The following COL4A4 variants were observed in gnomAD, a reference collection of about 807,000 sequenced individuals.
The protein encoded by COL4A4 is collagen type IV alpha 4 chain, also known as collagen alpha-4(IV) chain.
Under a neutral mutation model 192.9 loss-of-function variants are expected in COL4A4, and 105 were observed. That is an observed-to-expected ratio of 0.54 (90% CI 0.46 to 0.64). COL4A4 has a LOEUF of 0.64. Ranked by LOEUF, COL4A4 falls within the 30% of genes least tolerant of loss-of-function variation. The pLI, the probability that COL4A4 is intolerant of heterozygous loss-of-function variation, is 0.00. For missense variants in COL4A4, 1,967 were observed against 2,169.3 expected (o/e 0.91, Z 1.85); for synonymous variants, 762 against 769.9 (o/e 0.99, Z 0.17).
chr2:227,119,502 T>TATA (rs2125012348), intron 6 of COL4A4, among the ~76,000 whole-genome samples: 1 of 148,660 alleles, frequency 6.7e-6, no homozygotes, highest in Admixed American at 6.7e-5. Flanking sequence ...ATATATCGTA[T>TATA]ATACTATAGA....
intron 38 of COL4A4, among the ~76,000 whole-genome samples, chr2:227,032,586 T>C (rs1480530234): frequency 6.6e-6 from 1 of 152,258 alleles, no homozygotes; most frequent in Non-Finnish European, 1.5e-5. Flanking sequence ...TAAGTAATTA[T>C]GCATAAGTTG....
chr2:227,000,631 C>T (rs1489118104), downstream of COL4A4, among the ~76,000 whole-genome samples: 2 of 152,114 alleles, frequency 1.3e-5, no homozygotes, highest in Admixed American at 6.5e-5. Flanking sequence ...GACTGAGCAT[C>T]AAGTAAGGGC....
At position 227,081,743 on chromosome 2, in the gene COL4A4, A is replaced by G. The variant is rs576690300; in HGVS notation, c.1696+372T>C. On this transcript the variant is annotated intron_variant, in intron 23 of 47. Coordinates refer to ENST00000396625, the MANE Select transcript of COL4A4 (RefSeq NM_000092.5). The stretch of plus-strand genomic sequence containing the variant: ...TTTCACATTTTGTTTAGGTCAATAA[A>G]TTACTTAAAAAAACGATTTCAAGCT... Among the ~76,000 whole-genome samples, 84 of 152,320 alleles carry G rather than the reference A, an allele frequency of 5.5e-4. 1 individual carries two copies. The highest frequency in any genetic ancestry group is 9.8e-4 in the Non-Finnish European group (67 of 68,030).
At chr2:226,968,325 T>C in the COL4A4 span, among the ~76,000 whole-genome samples, 1 of 152,148 alleles carries the variant, frequency 6.6e-6, no homozygotes, top group Non-Finnish European at 1.5e-5. Flanking sequence ...ACCAGGCAAG[T>C]CCAAAATCTG....
intron 31 of COL4A4, 63 bp downstream of exon 31, chr2:227,054,531 C>CT (rs1250332721): frequency 1.9e-6 from 3 of 1,574,986 alleles, no homozygotes; most frequent in Non-Finnish European, 2.6e-6. Context: ...TCAGAGATCA[C>CT]ATTTCTAGGT....
rs1443477890 is a variant in COL4A4 at position 227,114,023 on chromosome 2, C to T, written c.558+605G>A. 3.3e-5 allele frequency among the ~76,000 whole-genome samples: 5 copies of T among 152,200 alleles called. No individual in the cohort carries two copies. In the South Asian group the frequency reaches 6.2e-4, roughly 19 times the overall value. The stretch of plus-strand genomic sequence containing the variant: ...AAGAGTTTATTTCTGAACATTTGGA[C>T]ATCACTCCCTGCTGAAAACACAACA... On this transcript the variant is annotated intron_variant, in intron 8 of 47. Coordinates refer to ENST00000396625, the MANE Select transcript of COL4A4 (RefSeq NM_000092.5).
chr2:227,060,101 G>GAAAAAAACAAAA, intron 27 of COL4A4, 35 bp downstream of exon 27: 1 of 503,760 alleles, frequency 2.0e-6, no homozygotes, highest in Non-Finnish European at 3.1e-6. Context: ...TCCCAAAGCA[G>GAAAAAAACAAAA]AAAAAAAAAA....
intron 1 of COL4A4, among the ~76,000 whole-genome samples, chr2:227,162,121 A>G (rs1191254071): frequency 6.6e-6 from 1 of 152,208 alleles, no homozygotes; most frequent in Non-Finnish European, 1.5e-5. Flanking sequence ...GAAAGGATTC[A>G]AAACTCCAGA....
rs747467524 is a variant in COL4A4 at position 227,022,172 on chromosome 2, A to C, written c.4092T>G (p.Gly1364=). The change falls in exon 44 of 48, where the codon GGT becomes GGG. Residue 1364 remains glycine (G), a splice_region_variant and synonymous_variant. Transcript: ENST00000396625. The part of the protein sequence containing the change: ...KGPTGLPGPR[G]EPGPPADVDD... Reference sequence around the variant, plus strand: ...CCACATCTGCAGGTGGCCCCGGTTCACCTGAAATTGGAATCACCGCTTGTG... The same window carrying C: ...CCACATCTGCAGGTGGCCCCGGTTCCCCTGAAATTGGAATCACCGCTTGTG... 2 of 1,613,946 alleles carry C rather than the reference A, an allele frequency of 1.2e-6. No homozygotes were observed. The highest frequency in any genetic ancestry group is 1.3e-5 in the African/African-American group (1 of 74,916).
In COL4A4 at chr2:227,007,606, G is replaced by A; in HGVS notation, c.4810-18C>T. The stretch of plus-strand genomic sequence containing the variant: ...CCTGTGTGCTACCCAGAAAACAAGA[G>A]AGAATTAGGGCTCAGACACACACAG... On this transcript the variant is annotated intron_variant, in intron 47 of 47. Transcript: ENST00000396625. 2.5e-6 allele frequency: 4 copies of A among 1,612,222 alleles called. No homozygotes were observed. The highest frequency in any genetic ancestry group is 3.4e-6 in the Non-Finnish European group (4 of 1,180,018).
At chr2:227,017,236 CG>C (rs1016186851) in intron 44 of COL4A4, among the ~76,000 whole-genome samples, 4 of 152,188 alleles carry the variant, frequency 2.6e-5, no homozygotes, top group Admixed American at 6.5e-5. Context: ...TCACACCAGA[CG>C]TTATCACGTG....
chr2:227,077,566 G>C (rs1559561726), intron 25 of COL4A4, among the ~76,000 whole-genome samples: 1 of 152,052 alleles, frequency 6.6e-6, no homozygotes, highest in Non-Finnish European at 1.5e-5. Context: ...AAACCTAGAT[G>C]ATGGGTTGAT....
chr2:226,981,949 A>G, the COL4A4 span, among the ~76,000 whole-genome samples: 2 of 152,232 alleles, frequency 1.3e-5, no homozygotes, highest in African/African-American at 4.8e-5. Flanking sequence ...CTCATGGTCC[A>G]AGTTATCTAG....
At chr2:227,127,150 C>T (rs2062136861) in intron 4 of COL4A4, among the ~76,000 whole-genome samples, 1 of 152,242 alleles carries the variant, frequency 6.6e-6, no homozygotes, top group African/African-American at 2.4e-5. Context: ...GAATGACTGG[C>T]TTTCAGATGC....
chr2:227,019,274 T>C (rs1965524238), intron 44 of COL4A4, among the ~76,000 whole-genome samples: 1 of 152,246 alleles, frequency 6.6e-6, no homozygotes, highest in Non-Finnish European at 1.5e-5. Flanking sequence ...CGTTCTACTC[T>C]TAGCTGAATC....
At chr2:227,140,543 T>C (rs773970873) in intron 3 of COL4A4, among the ~76,000 whole-genome samples, 21 of 152,356 alleles carry the variant, frequency 1.4e-4, no homozygotes, top group Admixed American at 6.5e-5. Context: ...TATTAAGTTG[T>C]GAACAGTCTT....
chr2:227,115,269 CTTTTT>C (rs1187419564), intron 7 of COL4A4, among the ~76,000 whole-genome samples: 6 of 123,966 alleles, frequency 4.8e-5, no homozygotes, highest in Non-Finnish European at 1.6e-5. Flanking sequence ...TACTTTAATT[CTTTTT>C]TTTTTTTTTT....
Position 227,151,561 on chromosome 2 carries a change from T to C in COL4A4, c.-101-3977A>G, listed in dbSNP as rs562963342. Among the ~76,000 whole-genome samples, 23 of 151,538 alleles carry C rather than the reference T, an allele frequency of 1.5e-4. No individual in the cohort carries two copies. The South Asian group carries it at 4.4e-3, about 29-fold the overall frequency. The stretch of plus-strand genomic sequence containing the variant: ...AACAAGAAGTTGTGAATGAAAAAAA[T>C]GTGCTACACAAATATCACTCAATTC... On this transcript the variant is annotated intron_variant, in intron 1 of 47. Transcript: ENST00000396625.
At chr2:227,116,764 G>A (rs1295571694) in intron 7 of COL4A4, among the ~76,000 whole-genome samples, 1 of 152,162 alleles carries the variant, frequency 6.6e-6, no homozygotes, top group African/African-American at 2.4e-5. Flanking sequence ...AGCGTCCTAG[G>A]TAAAGTGACA....
Sources: allele counts gnomAD v4.1 joint callset (sites outside exome capture counted in the v4.1 genomes callset), GRCh38; gene constraint gnomAD v4.1.1; transcripts MANE v1.5; gene names NCBI Gene and HGNC (gene_info 2026-07-23, HGNC 2026-07-21).